RBFOX1: variants seen among roughly 807,000 people sequenced by gnomAD.
RBFOX1 encodes the protein RNA binding protein fox-1 homolog 1.
RBFOX1 carries 8 observed loss-of-function variants against 57.7 expected under a neutral mutation model. The observed-to-expected ratio is 0.14, with a 90% CI of 0.08 to 0.25. RBFOX1 has a LOEUF of 0.25. RBFOX1 is among the 10% of genes least tolerant of loss of function. The pLI, the probability that RBFOX1 is intolerant of heterozygous loss-of-function variation, is 1.00. For missense variants in RBFOX1, 611 were observed against 548.5 expected (o/e 1.11, Z -1.14); for synonymous variants, 326 against 222.4 (o/e 1.47, Z -4.15).
At chr16:5,604,039 C>A (rs8062942), downstream of RBFOX1, among the ~76,000 whole-genome samples, 97,213 of 151,934 alleles carry the variant, frequency 0.64, 33,413 homozygotes, top group East Asian at 0.95. Context: ...TTCTATACTC[C>A]AGGCAGACAT....
At chr16:5,368,086 T>G (rs1444173216) in intron 1 of RBFOX1, among the ~76,000 whole-genome samples, 3 of 152,208 alleles carry the variant, frequency 2.0e-5, no homozygotes, top group Non-Finnish European at 4.4e-5. Flanking sequence ...ACAAATCAGT[T>G]CAGCCCATTA....
intron 2 of RBFOX1, among the ~76,000 whole-genome samples, chr16:6,481,511 T>C (rs977331622): frequency 6.6e-6 from 1 of 152,250 alleles, no homozygotes; most frequent in African/African-American, 2.4e-5. Flanking sequence ...ACCTTGCTTT[T>C]GTGAACTGAT....
chr16:6,319,637 A>C (rs140336648), intron 2 of RBFOX1, among the ~76,000 whole-genome samples: 1 of 152,162 alleles, frequency 6.6e-6, no homozygotes, highest in African/African-American at 2.4e-5. Flanking sequence ...ACAGGTCTAG[A>C]GTAACAGATT....
In RBFOX1 at chr16:5,764,745, C is replaced by T. The variant is rs75503767; in HGVS notation, c.319-102558C>T. Among the ~76,000 whole-genome samples the T allele has an allele frequency of 3.9e-5, 6 of 152,272 alleles. No individual in the cohort carries two copies. The East Asian group carries it at 7.7e-4, about 20-fold the overall frequency. On this transcript the variant is annotated intron_variant, in intron 3 of 19. Transcript: ENST00000641259. ...CCTGAGCTTCAGTTCCTCCATCCTT[C>T]AAGTAAGGTGAAGAAAATCTGCCCT...
At chr16:5,454,926 T>TTCCTTCCTTCCTTC (rs2068562876) in intron 1 of RBFOX1, among the ~76,000 whole-genome samples, 3 of 54,816 alleles carry the variant, frequency 5.5e-5, no homozygotes, top group Non-Finnish European at 7.2e-5. Context: ...TTTGTTTCTT[T>TTCCTTCCTTCCTTC]CTTCCTTCCT....
intron 3 of RBFOX1, among the ~76,000 whole-genome samples, chr16:6,781,182 A>G (rs961165255): frequency 6.6e-6 from 1 of 152,138 alleles, no homozygotes; most frequent in African/African-American, 2.4e-5. Flanking sequence ...ATGGTGAGGA[A>G]TAGGGACATA....
chr16:7,269,185 A>G (rs1006431121), intron 4 of RBFOX1, among the ~76,000 whole-genome samples: 1 of 152,190 alleles, frequency 6.6e-6, no homozygotes, highest in Non-Finnish European at 1.5e-5. Context: ...GTTATTCCAG[A>G]ATATACAGCA....
At chr16:5,892,024 T>A (rs549604025) in intron 4 of RBFOX1, among the ~76,000 whole-genome samples, 1 of 152,230 alleles carries the variant, frequency 6.6e-6, no homozygotes, top group African/African-American at 2.4e-5. Context: ...GTTCACTTAC[T>A]GAATCATTTC....
Position 5,759,229 on chromosome 16 carries a change from C to G in RBFOX1, c.319-108074C>G, listed in dbSNP as rs555389341. On this transcript the variant is annotated intron_variant, in intron 3 of 19. Transcript: ENST00000641259. ...AGAATGTCTGAATCTGCATCATAGCCTGAGGTCTGTGTTCAGCTTACAGAA... is the reference window on the plus strand; with the variant it reads ...AGAATGTCTGAATCTGCATCATAGCGTGAGGTCTGTGTTCAGCTTACAGAA... 3.3e-5 allele frequency among the ~76,000 whole-genome samples: 5 copies of G among 152,324 alleles called. No homozygotes were observed. In the South Asian group the frequency reaches 1.0e-3, roughly 32 times the overall value.
At chr16:6,421,202 T>C (rs563155241) in intron 2 of RBFOX1, among the ~76,000 whole-genome samples, 1 of 152,304 alleles carries the variant, frequency 6.6e-6, no homozygotes, top group African/African-American at 2.4e-5. Flanking sequence ...GATGCGTTGG[T>C]TGAGATTACA....
rs534731316 is a variant in RBFOX1 at position 5,346,275 on chromosome 16, T to G, written c.219+106170T>G. Among the ~76,000 whole-genome samples the G allele has an allele frequency of 3.6e-3, 541 of 152,292 alleles. 1 individual carries two copies. Among genetic ancestry groups the G allele is most frequent in the African/African-American group, 0.013 (521 of 41,574 alleles). On this transcript the variant is annotated intron_variant, in intron 1 of 2. Coordinates refer to the RBFOX1 transcript ENST00000585867. ...TAAGACAGGGAATAAAAAAGTCTTA[T>G]AGAGCTGTGGTGAGAATGACTGAGC...
chr16:7,282,177 C>T (rs751956034), intron 4 of RBFOX1, among the ~76,000 whole-genome samples: 3 of 152,106 alleles, frequency 2.0e-5, no homozygotes, highest in Non-Finnish European at 4.4e-5. Flanking sequence ...AAAGCGATGT[C>T]TGAAAAGGGA....
At chr16:7,641,479 C>G (rs1183280975) in intron 11 of RBFOX1, among the ~76,000 whole-genome samples, 1 of 152,224 alleles carries the variant, frequency 6.6e-6, no homozygotes, top group Admixed American at 6.5e-5. Flanking sequence ...GAACCAAACA[C>G]CACACCACAT....
intron 3 of RBFOX1, among the ~76,000 whole-genome samples, chr16:7,021,636 A>G (rs895166342): frequency 6.8e-6 from 1 of 147,576 alleles, no homozygotes; most frequent in Non-Finnish European, 1.5e-5. Flanking sequence ...AAATTATATA[A>G]AAATTTTATT....
At chr16:7,007,752 C>G (rs927716941) in intron 3 of RBFOX1, among the ~76,000 whole-genome samples, 8 of 152,152 alleles carry the variant, frequency 5.3e-5, no homozygotes, top group African/African-American at 1.9e-4. Context: ...TCTCATTTCC[C>G]TACATGCAGG....
intron 1 of RBFOX1, among the ~76,000 whole-genome samples, chr16:6,261,844 AAAAAC>A (rs1315663027): frequency 6.8e-6 from 1 of 147,376 alleles, no homozygotes; most frequent in Non-Finnish European, 1.5e-5. Flanking sequence ...AAAAATACCA[AAAAAC>A]AAAACAAAAC....
intron 4 of RBFOX1, among the ~76,000 whole-genome samples, chr16:7,329,316 C>T (rs541796725): frequency 1.5e-4 from 23 of 152,314 alleles, no homozygotes; most frequent in South Asian, 1.2e-3. Context: ...CTTGCTGTTT[C>T]TTCCACTATT....
At chr16:5,270,520 A>C in intron 1 of RBFOX1, 1 of 635,044 alleles carries the variant, frequency 1.6e-6, no homozygotes, top group South Asian at 1.5e-5. Flanking sequence ...TGGTTGAAAA[A>C]TGTTCAACAA....
intron 2 of RBFOX1, among the ~76,000 whole-genome samples, chr16:6,535,446 T>C (rs1312796349): frequency 6.6e-6 from 1 of 152,120 alleles, no homozygotes; most frequent in Admixed American, 6.5e-5. Context: ...CTATGCATTT[T>C]CTTTTCATAC....
Sources: allele counts gnomAD v4.1 joint callset (sites outside exome capture counted in the v4.1 genomes callset), GRCh38; gene constraint gnomAD v4.1.1; transcripts MANE v1.5; gene names NCBI Gene and HGNC (gene_info 2026-07-23, HGNC 2026-07-21).